GNB1: variants seen among roughly 807,000 people sequenced by gnomAD.
GNB1 encodes G protein subunit beta 1, also known as guanine nucleotide-binding protein G(I)/G(S)/G(T) subunit beta-1.
A neutral mutation model predicts 42.9 loss-of-function variants in GNB1; 2 were observed. The ratio of observed to expected loss-of-function variants is 0.05; its 90% confidence interval spans 0.02 to 0.15. The LOEUF (loss-of-function observed/expected upper bound fraction) is 0.15. Among genes scored for constraint, GNB1 ranks in the 10% least tolerant of loss-of-function variants. The pLI, the probability that GNB1 is intolerant of heterozygous loss-of-function variation, is 1.00. For missense variants in GNB1, 193 were observed against 462.2 expected (o/e 0.42, Z 5.34); for synonymous variants, 183 against 174.7 (o/e 1.05, Z -0.38).
At chr1:1,824,995 A>T (rs1646977892) in intron 3 of GNB1, 1 of 163,288 alleles carries the variant, frequency 6.1e-6, no homozygotes, top group Non-Finnish European at 1.3e-5. Context: ...ATATACCTGA[A>T]ATACTTTTTT....
At chr1:1,807,479 A>C (rs1389342388) in intron 5 of GNB1, among the ~76,000 whole-genome samples, 2 of 148,866 alleles carry the variant, frequency 1.3e-5, no homozygotes, top group Non-Finnish European at 3.0e-5. Flanking sequence ...AAAAAAAAAA[A>C]AAAAAAAAAA....
At chr1:1,791,275 G>A (rs1353633648) in intron 8 of GNB1, among the ~76,000 whole-genome samples, 1 of 151,580 alleles carries the variant, frequency 6.6e-6, no homozygotes, top group Non-Finnish European at 1.5e-5. Flanking sequence ...GAGTTCAAGC[G>A]ATTCTCCTGC....
At chr1:1,815,608 C>T (rs1341802913) in intron 5 of GNB1, 148 bp downstream of exon 5, 24 of 605,018 alleles carry the variant, frequency 4.0e-5, no homozygotes, top group South Asian at 1.8e-4. Flanking sequence ...CACCTGTGAA[C>T]GCTGCACCTT....
In GNB1 at chr1:1,793,273, T is replaced by C; in HGVS notation, c.469A>G (p.Ile157Val). The change falls in exon 8 of 12, where the codon ATC becomes GTC. Residue 157 changes from isoleucine (I) to valine (V), a missense_variant. By Grantham distance (29) the Ile-to-Val change is conservative. Coordinates refer to ENST00000378609, the MANE Select transcript of GNB1 (RefSeq NM_002074.5). ...SCCRFLDDNQ[I>V]VTSSGDTTCA... ...GTGGTGTCTCCAGAGCTGGTGACGA[T>C]CTGATTGTCATCCAGGAATCGGCAG... 1 of 1,613,402 alleles carries C rather than the reference T, an allele frequency of 6.2e-7. No homozygotes were observed. Among genetic ancestry groups the C allele is most frequent in the Non-Finnish European group, 8.5e-7 (1 of 1,179,540 alleles).
intron 1 of GNB1, among the ~76,000 whole-genome samples, chr1:1,875,866 G>A (rs1163233493): frequency 6.6e-6 from 1 of 151,976 alleles, no homozygotes; most frequent in Non-Finnish European, 1.5e-5. Flanking sequence ...TGTCTACCTG[G>A]AACCTGGGAA....
intron 1 of GNB1, among the ~76,000 whole-genome samples, chr1:1,853,388 G>A (rs1442090896): frequency 1.3e-5 from 2 of 152,182 alleles, no homozygotes; most frequent in African/African-American, 2.4e-5. Flanking sequence ...AGTCAAGTAA[G>A]CCTAGAAAGG....
chr1:1,793,319 A>G lies in GNB1; in HGVS notation c.431-8T>C, dbSNP rs563766922. ...GGCAGCAGGACAGGTAACCTGGCAA[A>G]GAACAGGCCTAAGTGATGAGCTGAA... On this transcript the variant is annotated splice_region_variant and splice_polypyrimidine_tract_variant and intron_variant, in intron 7 of 11. Transcript: ENST00000378609. 1 of 1,608,814 alleles carries G rather than the reference A, an allele frequency of 6.2e-7. No homozygotes were observed. The highest frequency in any genetic ancestry group is 1.7e-5 in the Admixed American group (1 of 59,936).
chr1:1,814,213 T>C (rs1646819583), intron 5 of GNB1, among the ~76,000 whole-genome samples: 1 of 152,220 alleles, frequency 6.6e-6, no homozygotes, highest in Middle Eastern at 3.2e-3. Context: ...TTTTGTTCTC[T>C]AGCTGTTTGT....
chr1:1,813,607 C>G (rs998829346), intron 5 of GNB1, among the ~76,000 whole-genome samples: 9 of 152,112 alleles, frequency 5.9e-5, no homozygotes, highest in African/African-American at 1.9e-4. Context: ...CCTCCCACCT[C>G]GGCCTCCTAA....
At chr1:1,889,306 G>C (rs1008777065) in intron 1 of GNB1, among the ~76,000 whole-genome samples, 1 of 152,182 alleles carries the variant, frequency 6.6e-6, no homozygotes. Flanking sequence ...TACTATTTGA[G>C]ACTAATGTTA....
intron 1 of GNB1, among the ~76,000 whole-genome samples, chr1:1,887,790 T>C (rs955063079): frequency 3.3e-5 from 5 of 152,110 alleles, no homozygotes; most frequent in African/African-American, 1.2e-4. Flanking sequence ...AATTTTAATA[T>C]TTTTAGTAGA....
chr1:1,795,213 C>T (rs1447746756), intron 7 of GNB1, among the ~76,000 whole-genome samples: 3 of 152,120 alleles, frequency 2.0e-5, no homozygotes, highest in African/African-American at 4.8e-5. Context: ...TGTCGTGCCC[C>T]GCAGCTCACT....
Position 1,815,813 on chromosome 1 carries a change from C to T in GNB1, c.146G>A (p.Arg49Lys). The T allele has an allele frequency of 6.2e-7, 1 of 1,611,684 alleles. No homozygotes were observed. The highest frequency in any genetic ancestry group is 8.5e-7 in the Non-Finnish European group (1 of 1,177,938). Residue 49 changes from arginine to lysine, a missense_variant, in exon 5 of 12, where the codon AGG becomes AAG. Physicochemically the swap from Arg to Lys is conservative, Grantham distance 26. Coordinates refer to ENST00000378609, the MANE Select transcript of GNB1 (RefSeq NM_002074.5). ...CTTGGCCAGGTGCCCCCGCAGTGTC[C>T]TCCTCGTGCGCATTTGGATTCTTCC... is the stretch of plus-strand genomic sequence containing the variant. ...PVGRIQMRTR[R>K]TLRGHLAKIY...
intron 5 of GNB1, among the ~76,000 whole-genome samples, chr1:1,810,647 T>G (rs1646763157): frequency 1.3e-5 from 2 of 151,910 alleles, no homozygotes; most frequent in Non-Finnish European, 2.9e-5. Context: ...GTAATCATTG[T>G]GGGCCTTGCA....
chr1:1,885,928 C>T (rs1650129554), intron 1 of GNB1, among the ~76,000 whole-genome samples: 1 of 151,342 alleles, frequency 6.6e-6, no homozygotes, highest in Non-Finnish European at 1.5e-5. Flanking sequence ...TTTTCTACCA[C>T]TGAAAGCCAG....
intron 5 of GNB1, among the ~76,000 whole-genome samples, chr1:1,814,697 G>C (rs1354737959): frequency 2.0e-5 from 3 of 150,614 alleles, no homozygotes; most frequent in Admixed American, 6.7e-5. Flanking sequence ...TGCCACTTGG[G>C]AGGCTGAGTA....
At chr1:1,792,573 T>C (rs1646495159) in intron 8 of GNB1, among the ~76,000 whole-genome samples, 1 of 151,422 alleles carries the variant, frequency 6.6e-6, no homozygotes, top group Non-Finnish European at 1.5e-5. Flanking sequence ...GGCGCACACC[T>C]GTAGTTCCCA....
intron 1 of GNB1, among the ~76,000 whole-genome samples, chr1:1,862,613 C>T (rs1648696135): frequency 6.6e-6 from 1 of 151,666 alleles, no homozygotes; most frequent in Non-Finnish European, 1.5e-5. Context: ...AAGCCGTGCT[C>T]TGATGCCCCC....
At position 1,807,450 on chromosome 1, in the gene GNB1, C is replaced by T. The variant is rs1427044255; in HGVS notation, c.204-912G>A. Among the ~76,000 whole-genome samples the T allele has an allele frequency of 6.6e-5, 7 of 105,496 alleles. No individual in the cohort carries two copies. The South Asian group carries it at 1.0e-3, about 15-fold the overall frequency. 69.2% of individuals were successfully genotyped at this position (105,496 alleles called of 152,430 possible). On this transcript the variant is annotated intron_variant, in intron 5 of 11. Transcript: ENST00000378609. The stretch of plus-strand genomic sequence containing the variant: ...CTGCACTCTAGCCTGGGCAACAGAG[C>T]GAGATCCTGACTGAAAAAAAAAAAA...
Sources: allele counts gnomAD v4.1 joint callset (sites outside exome capture counted in the v4.1 genomes callset), GRCh38; gene constraint gnomAD v4.1.1; transcripts MANE v1.5; gene names NCBI Gene and HGNC (gene_info 2026-07-23, HGNC 2026-07-21).